The following MAGI1 variants were observed in gnomAD, a reference collection of about 807,000 sequenced individuals.
MAGI1 encodes the protein membrane-associated guanylate kinase, WW and PDZ domain-containing protein 1.
Under a neutral mutation model 139.9 loss-of-function variants are expected in MAGI1, and 58 were observed. The observed-to-expected ratio is 0.41, with a 90% CI of 0.34 to 0.52. The LOEUF is 0.52. Among genes scored for constraint, MAGI1 ranks in the 20% least tolerant of loss-of-function variants. The pLI is 0.12. For missense variants in MAGI1, 1,874 were observed against 1,901.6 expected (o/e 0.99, Z 0.27); for synonymous variants, 812 against 737.9 (o/e 1.10, Z -1.63).
At chr3:65,554,169 C>T (rs1189064585) in intron 2 of MAGI1, among the ~76,000 whole-genome samples, 4 of 152,138 alleles carry the variant, frequency 2.6e-5, no homozygotes, top group Non-Finnish European at 5.9e-5. Flanking sequence ...ATTCACCTCC[C>T]TTAGGAGAGA....
chr3:66,018,128 T>C (rs965635250), intron 1 of MAGI1, among the ~76,000 whole-genome samples: 1 of 114,952 alleles, frequency 8.7e-6, no homozygotes, highest in African/African-American at 3.1e-5. Context: ...GGGGGGGGTG[T>C]CTGCACATGC....
At chr3:65,898,337 T>C (rs2061071001) in intron 1 of MAGI1, among the ~76,000 whole-genome samples, 3 of 152,174 alleles carry the variant, frequency 2.0e-5, no homozygotes, top group Admixed American at 6.5e-5. Flanking sequence ...GATAAAGCAC[T>C]ATTTTACAAA....
intron 1 of MAGI1, among the ~76,000 whole-genome samples, chr3:65,925,511 T>C (rs1158445506): frequency 6.6e-6 from 1 of 152,154 alleles, no homozygotes; most frequent in Non-Finnish European, 1.5e-5. Flanking sequence ...AACAGGAACT[T>C]TGTTCACTAT....
At chr3:65,963,979 C>T (rs1425546712) in intron 1 of MAGI1, among the ~76,000 whole-genome samples, 1 of 152,168 alleles carries the variant, frequency 6.6e-6, no homozygotes, top group African/African-American at 2.4e-5. Context: ...AGCCAAGCTT[C>T]CAATGAAGGG....
chr3:65,429,715 C>T lies in MAGI1; in HGVS notation c.1972G>A (p.Ala658Thr), dbSNP rs751238481. Reference protein sequence around the residue: ...KGPMGFGFTIADSPGGGGQRV... With the variant: ...KGPMGFGFTITDSPGGGGQRV... ...TGGCCACCCCCACCAGGACTGTCTGCGATAGTAAAACCAAAGCCCATTGGC... is the reference window on the plus strand; with the variant it reads ...TGGCCACCCCCACCAGGACTGTCTGTGATAGTAAAACCAAAGCCCATTGGC... Residue 658 changes from alanine to threonine, a missense_variant, in exon 12 of 23, where the codon GCA (alanine) becomes ACA (threonine). Ala to Thr is a moderately conservative substitution (Grantham distance 58). This residue lies in a region of MAGI1 where 482 missense variants were observed against 509.6 expected (regional missense o/e 0.95). Transcript: ENST00000402939. 9.9e-6 allele frequency: 16 copies of T among 1,613,708 alleles called. No homozygotes were observed. The highest frequency in any genetic ancestry group is 8.0e-5 in the African/African-American group (6 of 74,874).
intron 6 of MAGI1, among the ~76,000 whole-genome samples, chr3:65,451,642 G>T (rs553148458): frequency 6.6e-6 from 1 of 152,186 alleles, no homozygotes; most frequent in Non-Finnish European, 1.5e-5. Context: ...GGAGCCTGTT[G>T]TTGCTTTGTT....
At chr3:65,709,193 G>T (rs932802210) in intron 1 of MAGI1, among the ~76,000 whole-genome samples, 4 of 152,228 alleles carry the variant, frequency 2.6e-5, no homozygotes, top group Admixed American at 1.3e-4. Context: ...TTCTCGCTTG[G>T]TTTTTTCCAA....
chr3:65,749,160 C>CT (rs1487444669), intron 1 of MAGI1, among the ~76,000 whole-genome samples: 2 of 152,102 alleles, frequency 1.3e-5, no homozygotes, highest in African/African-American at 2.4e-5. Context: ...AGATGCAAGG[C>CT]ACTCAGTGGT....
intron 5 of MAGI1, among the ~76,000 whole-genome samples, chr3:65,460,859 C>T (rs140357112): frequency 0.01 from 1,543 of 152,218 alleles, 13 homozygotes; most frequent in African/African-American, 0.033. Context: ...TCATCCATGT[C>T]CCTGCAAAGG....
chr3:65,622,461 T>C (rs984388909), intron 1 of MAGI1, among the ~76,000 whole-genome samples: 4 of 152,236 alleles, frequency 2.6e-5, no homozygotes, highest in Non-Finnish European at 4.4e-5. Context: ...TGTCAAATCA[T>C]AAAATGTTCT....
At chr3:65,875,237 G>A (rs2060072434) in intron 1 of MAGI1, among the ~76,000 whole-genome samples, 1 of 152,174 alleles carries the variant, frequency 6.6e-6, no homozygotes, top group South Asian at 2.1e-4. Context: ...CTAGAACTTG[G>A]GGGTAGGGGA....
Position 66,038,283 on chromosome 3 carries a change from TTC to T in MAGI1, c.24_25del (p.Asn9ProfsTer4), listed in dbSNP as rs770758853. On this transcript the variant is annotated frameshift_variant, in exon 1 of 23. Transcript: ENST00000402939. LOFTEE classifies it high-confidence loss of function. ...TTCGTGAACCCTGCTAGTCCAGTGG[TTC>T]TTCTTCTGGATCACTTTGGACATGA... The T allele has an allele frequency of 3.8e-6, 6 of 1,595,870 alleles. No homozygotes were observed. The highest frequency in any genetic ancestry group is 5.1e-6 in the Non-Finnish European group (6 of 1,170,338).
chr3:65,402,851 C>CA (rs1195228368), intron 12 of MAGI1, among the ~76,000 whole-genome samples: 4 of 152,120 alleles, frequency 2.6e-5, no homozygotes, highest in African/African-American at 9.7e-5. Context: ...CTTGCATCAC[C>CA]AAAATGAGGT....
At chr3:65,792,290 C>T (rs962350299) in intron 1 of MAGI1, among the ~76,000 whole-genome samples, 1 of 151,952 alleles carries the variant, frequency 6.6e-6, no homozygotes, top group Admixed American at 6.6e-5. Flanking sequence ...CATGGTGAAA[C>T]CCCGTCTCTA....
intron 2 of MAGI1, among the ~76,000 whole-genome samples, chr3:65,524,135 G>A (rs895855928): frequency 1.3e-5 from 2 of 152,150 alleles, no homozygotes; most frequent in African/African-American, 4.8e-5. Context: ...GTTGATTTTG[G>A]TCTTTGGGAA....
intron 4 of MAGI1, among the ~76,000 whole-genome samples, chr3:65,470,992 G>C (rs1470311063): frequency 3.3e-5 from 5 of 152,158 alleles, no homozygotes; most frequent in Non-Finnish European, 7.3e-5. Flanking sequence ...ATTTTTGGTA[G>C]ACACTGGCAA....
intron 1 of MAGI1, among the ~76,000 whole-genome samples, chr3:65,738,757 C>T (rs745922280): frequency 2.0e-5 from 3 of 152,172 alleles, no homozygotes; most frequent in Non-Finnish European, 4.4e-5. Context: ...AGTAACAATA[C>T]ATTGAAAGGA....
At chr3:65,491,107 T>C (rs143504221) in intron 3 of MAGI1, among the ~76,000 whole-genome samples, 2,775 of 152,214 alleles carry the variant, frequency 0.018, 43 homozygotes, top group Non-Finnish European at 0.029. Context: ...CAAGTACTAA[T>C]GGGTTATTTT....
intron 1 of MAGI1, among the ~76,000 whole-genome samples, chr3:65,969,835 CATTA>C (rs1399458128): frequency 6.6e-6 from 1 of 152,180 alleles, no homozygotes; most frequent in African/African-American, 2.4e-5. Context: ...ATTTGACTTT[CATTA>C]ATTAAATTTA....
Sources: allele counts gnomAD v4.1 joint callset (sites outside exome capture counted in the v4.1 genomes callset), GRCh38; gene constraint gnomAD v4.1.1; regional missense constraint gnomAD v4.1.1; transcripts MANE v1.5; gene names NCBI Gene and HGNC (gene_info 2026-07-23, HGNC 2026-07-21).